SYDE2: variants seen among roughly 807,000 people sequenced by gnomAD.
SYDE2 encodes the protein synapse defective Rho GTPase homolog 2.
SYDE2 carries 76 observed loss-of-function variants against 91.5 expected under a neutral mutation model. That is an observed-to-expected ratio of 0.83 (90% confidence interval 0.69 to 1.01). The LOEUF is 1.01. Ranked by LOEUF, SYDE2 falls within the 50% of genes least tolerant of loss-of-function variation. The pLI, the probability that SYDE2 is intolerant of heterozygous loss-of-function variation, is 0.00. For missense variants in SYDE2, 1,364 were observed against 1,367.7 expected (o/e 1.00, Z 0.04); for synonymous variants, 513 against 506.4 (o/e 1.01, Z -0.18).
intron 2 of SYDE2, among the ~76,000 whole-genome samples, chr1:85,189,446 C>T (rs1188345422): frequency 1.3e-5 from 2 of 152,234 alleles, no homozygotes; most frequent in Non-Finnish European, 2.9e-5. Context: ...ATAAGACTTA[C>T]TTTTTCTTCA....
downstream of SYDE2, among the ~76,000 whole-genome samples, chr1:85,155,408 C>T (rs1276811048): frequency 1.3e-5 from 2 of 151,818 alleles, no homozygotes; most frequent in Non-Finnish European, 2.9e-5. Flanking sequence ...GAGACTGAGG[C>T]GGAAAGGATC....
rs763283394 is a variant in SYDE2 at position 85,200,638 on chromosome 1, G to A, written c.359C>T (p.Pro120Leu). The A allele has an allele frequency of 2.3e-5, 36 of 1,544,094 alleles. No individual in the cohort carries two copies. Among genetic ancestry groups the A allele is most frequent in the African/African-American group, 6.8e-5 (5 of 73,208 alleles). ...GCCGTCCATCCTGCCTCCACGTGGC[G>A]GGGGCTCGTCCCAGTCCCGGTGCGC... ...CGAHRDWDEPPPRGGRMDGWS... is the reference protein window; with the variant it reads ...CGAHRDWDEPLPRGGRMDGWS... The change falls in exon 1 of 7, where the codon CCG becomes CTG. Residue 120 changes from proline (P) to leucine (L), a missense_variant. Transcript: ENST00000341460.
chr1:85,159,456 G>C (rs1231786975), intron 6 of SYDE2, among the ~76,000 whole-genome samples: 1 of 152,122 alleles, frequency 6.6e-6, no homozygotes, highest in African/African-American at 2.4e-5. Flanking sequence ...AACGTTCCAT[G>C]GTGCTAATTC....
At chr1:85,199,995 G>A (rs922633494) in intron 1 of SYDE2, among the ~76,000 whole-genome samples, 2 of 151,874 alleles carry the variant, frequency 1.3e-5, no homozygotes, top group African/African-American at 2.4e-5. Flanking sequence ...TAGACACACT[G>A]GTTTTTCGAG....
chr1:85,161,725 C>CAAAAAAAAAAAAAAAAAAA (rs60732181), intron 6 of SYDE2, among the ~76,000 whole-genome samples: 1 of 83,380 alleles, frequency 1.2e-5, no homozygotes. Flanking sequence ...GACTCCATCT[C>CAAAAAAAAAAAAAAAAAAA]AAAAAAAAAA....
chr1:85,161,352 A>G (rs2100643336), intron 6 of SYDE2, among the ~76,000 whole-genome samples: 1 of 152,352 alleles, frequency 6.6e-6, no homozygotes, highest in African/African-American at 2.4e-5. Flanking sequence ...AAAATCTTGT[A>G]AGAAAGATGA....
rs561767784 is a variant in SYDE2 at position 85,195,587 on chromosome 1, G to C, written c.745+4665C>G. Among the ~76,000 whole-genome samples the C allele has an allele frequency of 5.9e-5, 9 of 152,144 alleles. No individual in the cohort carries two copies. The South Asian group carries it at 1.9e-3, about 32-fold the overall frequency. Reference sequence around the variant, plus strand: ...AACCCTAAAGAAAAAAAAAAGCTGTGTGTTAGCTTTTGAGACGGGAAAGTA... The same window carrying C: ...AACCCTAAAGAAAAAAAAAAGCTGTCTGTTAGCTTTTGAGACGGGAAAGTA... On this transcript the variant is annotated intron_variant, in intron 1 of 6. Transcript: ENST00000341460.
In SYDE2 at chr1:85,159,096, A is replaced by G; in HGVS notation, c.3239T>C (p.Leu1080Ser). Residue 1080 changes from leucine (L) to serine (S), a missense_variant, in exon 7 of 7, where the codon TTA (leucine) becomes TCA (serine). Transcript: ENST00000341460. ...SGVLRPRQNRLDSPLSNRYAG... is the reference protein window; with the variant it reads ...SGVLRPRQNRSDSPLSNRYAG... ...ATAACGATTGCTAAGTGGACTGTCT[A>G]ATCGGTTTTGCCTTGGCCTAAGTAC... 2.6e-6 allele frequency: 2 copies of G among 780,868 alleles called. No individual in the cohort carries two copies. The highest frequency in any genetic ancestry group is 1.3e-5 in the South Asian group (1 of 74,624). 48.4% of individuals were successfully genotyped at this position (780,868 alleles called of 1,614,324 possible). A position where few individuals can be genotyped will look rare whatever the true frequency, so the allele number is the denominator to read the frequency against.
At chr1:85,183,349 C>T (rs548755488) in intron 2 of SYDE2, 149 bp from the exon 3 acceptor site, 184 of 618,466 alleles carry the variant, frequency 3.0e-4, no homozygotes, top group Middle Eastern at 4.5e-4. Context: ...ATTAGAAGTT[C>T]AGGTCAACTT....
At chr1:85,189,410 G>GTGAA (rs760102881) in intron 2 of SYDE2, among the ~76,000 whole-genome samples, 12 of 152,288 alleles carry the variant, frequency 7.9e-5, no homozygotes, top group African/African-American at 2.6e-4. Flanking sequence ...CAGGCCAGGT[G>GTGAA]TGAATGAATG....
chr1:85,175,744 C>T (rs2054238), intron 4 of SYDE2, among the ~76,000 whole-genome samples: 13,656 of 152,184 alleles, frequency 0.09, 834 homozygotes, highest in East Asian at 0.28. Context: ...TTAAGCATCA[C>T]TGTCACTGGC....
At position 85,158,896 on chromosome 1, in the gene SYDE2, T is replaced by C. The variant is rs1553169850; in HGVS notation, c.3439A>G (p.Thr1147Ala). ...EQPIPMSKECTFQTYLTMQTV... is the reference protein window; with the variant it reads ...EQPIPMSKECAFQTYLTMQTV... ...TGCATTGTCAAATATGTCTGAAATG[T>C]ACACTCTTTGGACATGGGAATTGGC... is the stretch of plus-strand genomic sequence containing the variant. Residue 1147 changes from threonine (T) to alanine (A), a missense_variant, in exon 7 of 7, where the codon ACA becomes GCA. Physicochemically the swap from Thr to Ala is moderately conservative, Grantham distance 58. Coordinates refer to ENST00000341460, the MANE Select transcript of SYDE2 (RefSeq NM_032184.2). 5 of 780,624 alleles carry C rather than the reference T, an allele frequency of 6.4e-6. No homozygotes were observed. In the South Asian group the frequency reaches 6.7e-5, roughly 10 times the overall value. The allele number at this position is 780,624 out of a possible 1,614,324, so 48.4% of individuals were successfully genotyped here. A position where few individuals can be genotyped will look rare whatever the true frequency, so the allele number is the denominator to read the frequency against.
intron 3 of SYDE2, 53 bp from the exon 4 acceptor site, chr1:85,178,325 A>G (rs1657785005): frequency 4.0e-6 from 6 of 1,482,612 alleles, no homozygotes; most frequent in Non-Finnish European, 5.5e-6. Flanking sequence ...GGGAAAATAT[A>G]ATTGCATTAT....
chr1:85,177,276 C>A (rs1234349263), intron 4 of SYDE2, among the ~76,000 whole-genome samples: 15 of 152,152 alleles, frequency 9.9e-5, no homozygotes, highest in Non-Finnish European at 1.6e-4. Context: ...ATTTCCAATG[C>A]CATACATTGA....
At chr1:85,168,580 A>G (rs1306022136) in intron 5 of SYDE2, among the ~76,000 whole-genome samples, 1 of 152,164 alleles carries the variant, frequency 6.6e-6, no homozygotes, top group African/African-American at 2.4e-5. Flanking sequence ...GATAAGGAGG[A>G]AAAAACGAGG....
chr1:85,190,723 T>A lies in SYDE2; in HGVS notation c.775A>T (p.Met259Leu), dbSNP rs748125795. 6.2e-7 allele frequency: 1 copy of A among 1,611,010 alleles called. No homozygotes were observed. Among genetic ancestry groups the A allele is most frequent in the African/African-American group, 1.3e-5 (1 of 74,628 alleles). ...DLFENAYGSS[M>L]KGRELEELKD... ...AGCTCTTCAAGTTCTCTTCCCTTCA[T>A]TGAAGACCCATAGGCATTTTCAAAT... The change falls in exon 2 of 7, where the codon ATG becomes TTG. Residue 259 changes from methionine to leucine, a missense_variant. Coordinates refer to ENST00000341460, the MANE Select transcript of SYDE2 (RefSeq NM_032184.2).
At chr1:85,199,185 ACCG>A (rs1314278761) in intron 1 of SYDE2, among the ~76,000 whole-genome samples, 1 of 152,158 alleles carries the variant, frequency 6.6e-6, no homozygotes, top group Non-Finnish European at 1.5e-5. Context: ...TACCAGAGAA[ACCG>A]CCAAGTACTG....
downstream of SYDE2, chr1:85,154,118 A>C: frequency 6.6e-6 from 1 of 152,130 alleles, no homozygotes; most frequent in Middle Eastern, 3.4e-3. Context: ...TTTTGTACCA[A>C]AGTCCTCAAG....
chr1:85,162,981 A>T (rs1657114976), intron 6 of SYDE2, among the ~76,000 whole-genome samples: 1 of 152,182 alleles, frequency 6.6e-6, no homozygotes, highest in Admixed American at 6.5e-5. Context: ...TACCCTGAGA[A>T]TCTTGATTCA....
Sources: gnomAD v4.1 joint callset for allele counts (sites outside exome capture counted in the v4.1 genomes callset) on GRCh38, gnomAD v4.1.1 for gene constraint, MANE v1.5 for transcripts, NCBI Gene and HGNC (gene_info 2026-07-23, HGNC 2026-07-21) for gene names.